The following SLC25A13 variants were observed in gnomAD, a reference collection of about 807,000 sequenced individuals.
SLC25A13 encodes the protein electrogenic aspartate/glutamate antiporter SLC25A13, mitochondrial.
In SLC25A13, 70 loss-of-function variants were observed where a neutral mutation model predicts 85.5. The observed-to-expected ratio is 0.82, with a 90% CI of 0.68 to 1.00. The LOEUF is 1.00. SLC25A13 is among the 50% of genes least tolerant of loss of function. The pLI is 0.00. For missense variants in SLC25A13, 765 were observed against 819.8 expected, an observed-to-expected ratio of 0.93 and a Z score of 0.82; for synonymous variants, 259 against 288.7, an observed-to-expected ratio of 0.90 and a Z score of 1.04.
chr7:96,306,880 T>C (rs1799763864), intron 1 of SLC25A13: 41 of 1,193,204 alleles, frequency 3.4e-5, no homozygotes, highest in Admixed American at 5.1e-5. Flanking sequence ...AGTAGCTTTG[T>C]GGCTTCACTC....
chr7:96,294,873 T>C (rs192129040), intron 2 of SLC25A13, among the ~76,000 whole-genome samples: 196 of 152,268 alleles, frequency 1.3e-3, no homozygotes, highest in African/African-American at 4.4e-3. Context: ...ATGTGTCCTT[T>C]TTTTTCCTCC....
chr7:96,157,675 G>A (rs904692524), intron 13 of SLC25A13, among the ~76,000 whole-genome samples: 3 of 151,920 alleles, frequency 2.0e-5, no homozygotes, highest in East Asian at 1.9e-4. Flanking sequence ...ATGGTGGTGC[G>A]TGCCTGTAGT....
At chr7:96,300,892 G>A (rs555753735) in intron 1 of SLC25A13, among the ~76,000 whole-genome samples, 18 of 152,210 alleles carry the variant, frequency 1.2e-4, no homozygotes, top group Non-Finnish European at 2.5e-4. Flanking sequence ...GTCAAATGCT[G>A]TGTGGCTGTT....
intron 4 of SLC25A13, among the ~76,000 whole-genome samples, chr7:96,232,607 T>A (rs1303317258): frequency 9.1e-5 from 13 of 142,426 alleles, no homozygotes; most frequent in East Asian, 4.1e-4. Flanking sequence ...AAAAAAAAAA[T>A]TTAAAAAAAT....
intron 2 of SLC25A13, among the ~76,000 whole-genome samples, chr7:96,286,739 G>A (rs1798904828): frequency 6.6e-6 from 1 of 152,034 alleles, no homozygotes; most frequent in Admixed American, 6.6e-5. Flanking sequence ...CTGTATCTAG[G>A]TACCTTCAAA....
chr7:96,318,271 T>C (rs1265878940), intron 1 of SLC25A13, among the ~76,000 whole-genome samples: 1 of 152,204 alleles, frequency 6.6e-6, no homozygotes, highest in Non-Finnish European at 1.5e-5. Flanking sequence ...AATTACATCA[T>C]TCGTAACGCA....
chr7:96,162,154 T>C (rs904910227), intron 13 of SLC25A13, among the ~76,000 whole-genome samples: 1 of 152,226 alleles, frequency 6.6e-6, no homozygotes, highest in African/African-American at 2.4e-5. Context: ...CAGGAAATCC[T>C]GGGAAGAAAA....
chr7:96,241,096 A>G (rs866046958), intron 3 of SLC25A13, among the ~76,000 whole-genome samples: 1 of 136,256 alleles, frequency 7.3e-6, no homozygotes, highest in African/African-American at 2.6e-5. Context: ...GAAAGAAAGA[A>G]AGAAAGAAAG....
intron 2 of SLC25A13, among the ~76,000 whole-genome samples, chr7:96,281,064 T>C (rs1345812271): frequency 2.0e-5 from 3 of 152,102 alleles, no homozygotes; most frequent in East Asian, 1.9e-4. Flanking sequence ...TTGTGGTGAA[T>C]TCACACAATG....
Position 96,121,275 on chromosome 7 carries a change from T to A in SLC25A13, c.1944A>T (p.Ala648=), listed in dbSNP as rs1791491213. Residue 648 remains alanine, a synonymous_variant, in exon 18 of 18, where the codon GCA becomes GCT. Transcript: ENST00000265631. ...GGYKLAVATF[A]GIENKFGLYL... ...AAAGTCCAAATTTGTTTTCAATCCCTGCAAATGTAGCAACTGCCAGTTTGT... is the reference window on the plus strand; with the variant it reads ...AAAGTCCAAATTTGTTTTCAATCCCAGCAAATGTAGCAACTGCCAGTTTGT... 6.2e-7 allele frequency: 1 copy of A among 1,614,058 alleles called. No homozygotes were observed. Among genetic ancestry groups the A allele is most frequent in the Non-Finnish European group, 8.5e-7 (1 of 1,180,046 alleles).
intron 3 of SLC25A13, among the ~76,000 whole-genome samples, chr7:96,256,895 C>G (rs999539205): frequency 3.9e-5 from 6 of 152,188 alleles, no homozygotes; most frequent in African/African-American, 7.2e-5. Context: ...CAAAGTAGAA[C>G]TCAGGATCAA....
intron 4 of SLC25A13, among the ~76,000 whole-genome samples, chr7:96,213,350 A>G (rs1319726277): frequency 3.3e-5 from 5 of 152,232 alleles, no homozygotes; most frequent in Admixed American, 3.3e-4. Flanking sequence ...TGATTGTTTA[A>G]GATTCCTCTA....
chr7:96,224,600 G>A (rs538097458), intron 4 of SLC25A13, among the ~76,000 whole-genome samples: 3 of 152,204 alleles, frequency 2.0e-5, no homozygotes, highest in East Asian at 1.9e-4. Flanking sequence ...AACTCACATC[G>A]TGTGCATCTC....
chr7:96,203,294 T>C (rs1795330626), intron 5 of SLC25A13, among the ~76,000 whole-genome samples: 1 of 152,188 alleles, frequency 6.6e-6, no homozygotes, highest in Non-Finnish European at 1.5e-5. Context: ...TTAGGCCCTA[T>C]TCAGAACTAC....
chr7:96,285,219 A>G (rs533171700), intron 2 of SLC25A13, among the ~76,000 whole-genome samples: 2 of 152,242 alleles, frequency 1.3e-5, no homozygotes, highest in East Asian at 1.9e-4. Context: ...AAGTGACTCT[A>G]TCTTGCCATT....
chr7:96,222,943 T>C (rs1796189239), intron 4 of SLC25A13, among the ~76,000 whole-genome samples: 1 of 152,214 alleles, frequency 6.6e-6, no homozygotes, highest in South Asian at 2.1e-4. Context: ...ACAATCAATG[T>C]CTTTAACAGC....
At chr7:96,122,052 A>G (rs1406583736) in intron 15 of SLC25A13, 55 bp from the exon 16 acceptor site, 2 of 1,609,032 alleles carry the variant, frequency 1.2e-6, no homozygotes, top group Non-Finnish European at 8.5e-7. Flanking sequence ...CTATATAAAA[A>G]TAACTGTGCT....
chr7:96,319,224 G>T (rs1451648405), intron 1 of SLC25A13, among the ~76,000 whole-genome samples: 1 of 152,178 alleles, frequency 6.6e-6, no homozygotes, highest in Non-Finnish European at 1.5e-5. Context: ...TCACAAGGTA[G>T]ATTCAAATGC....
At chr7:96,134,130 G>A (rs897635520) in intron 14 of SLC25A13, among the ~76,000 whole-genome samples, 2 of 151,046 alleles carry the variant, frequency 1.3e-5, no homozygotes, top group African/African-American at 4.9e-5. Context: ...CCGGGTTCAC[G>A]ATTCTGTTAC....
Sources: allele counts gnomAD v4.1 joint callset (sites outside exome capture counted in the v4.1 genomes callset), GRCh38; gene constraint gnomAD v4.1.1; transcripts MANE v1.5; gene names NCBI Gene and HGNC (gene_info 2026-07-23, HGNC 2026-07-21).